The following SLC60A1 variants were observed in gnomAD, a reference collection of about 807,000 sequenced individuals.
The protein encoded by SLC60A1 is solute carrier family 60 member 1.
At chr1:205,600,331 G>A in the SLC60A1 span, 25 of 1,462,992 alleles carry the variant, frequency 1.7e-5, no homozygotes, top group Admixed American at 1.9e-4. Flanking sequence ...GCCTGGGTAA[G>A]CTCTCAGAAT....
the SLC60A1 span, among the ~76,000 whole-genome samples, chr1:205,580,425 C>T: frequency 3.3e-5 from 5 of 152,288 alleles, no homozygotes; most frequent in South Asian, 4.1e-4. The surrounding 1 kb of genome is among the most constrained non-coding windows in gnomAD (Gnocchi z 5.0). Context: ...CCGAGTCATC[C>T]CAGGCTGGCA....
the SLC60A1 span, among the ~76,000 whole-genome samples, chr1:205,576,001 A>G: frequency 1.3e-5 from 2 of 152,058 alleles, no homozygotes; most frequent in African/African-American, 2.4e-5. Context: ...CTTTTCCCCT[A>G]TCTGGGCCTC....
chr1:205,579,706 G>T, the SLC60A1 span: 1 of 1,605,448 alleles, frequency 6.2e-7, no homozygotes, highest in Non-Finnish European at 8.5e-7. Flanking sequence ...AGGGGGAGGG[G>T]ATGCTTCCAG....
chr1:205,586,406 A>C, the SLC60A1 span, among the ~76,000 whole-genome samples: 2 of 152,194 alleles, frequency 1.3e-5, no homozygotes, highest in Non-Finnish European at 2.9e-5. Context: ...GGTGACCATG[A>C]AAAGTCCCTT....
chr1:205,592,645 C>A, the SLC60A1 span, among the ~76,000 whole-genome samples: 31,509 of 151,836 alleles, frequency 0.21, 3,516 homozygotes, highest in Non-Finnish European at 0.23. Context: ...ATGAACACCC[C>A]CCTCCTGACT....
At chr1:205,593,270 A>C in the SLC60A1 span, among the ~76,000 whole-genome samples, 1 of 151,886 alleles carries the variant, frequency 6.6e-6, no homozygotes, top group African/African-American at 2.4e-5. Flanking sequence ...GGAGATCGAG[A>C]CCATCCTAGC....
At chr1:205,602,559 C>G in the SLC60A1 span, 13 of 152,742 alleles carry the variant, frequency 8.5e-5, no homozygotes, top group East Asian at 2.5e-3. Context: ...TTAAAACCTC[C>G]TCATAAGCGG....
the SLC60A1 span, chr1:205,597,880 G>C: frequency 6.2e-7 from 1 of 1,608,348 alleles, no homozygotes; most frequent in Non-Finnish European, 8.5e-7. Context: ...GGAGAGGGGA[G>C]CATTTGGGGA....
At chr1:205,586,129 C>G in the SLC60A1 span, 1 of 1,613,752 alleles carries the variant, frequency 6.2e-7, no homozygotes, top group Non-Finnish European at 8.5e-7. Flanking sequence ...TCTTCTGGGG[C>G]TTCATCACAC....
At chr1:205,575,191 G>T in the SLC60A1 span, among the ~76,000 whole-genome samples, 1 of 152,146 alleles carries the variant, frequency 6.6e-6, no homozygotes, top group Admixed American at 6.6e-5. Flanking sequence ...TGCCCCTTTT[G>T]GGGTGGATAG....
chr1:205,585,023 G>T, the SLC60A1 span: 3 of 1,581,822 alleles, frequency 1.9e-6, no homozygotes, highest in Non-Finnish European at 1.7e-6. This position sits in a 1 kb window ranked among gnomAD's most constrained non-coding sequence, Gnocchi z 4.2. Context: ...CCCCCTACTG[G>T]GGGACCCTTC....
chr1:205,598,174 G>T, the SLC60A1 span: 4 of 263,486 alleles, frequency 1.5e-5, no homozygotes, highest in African/African-American at 8.9e-5. Context: ...TGGAACTGCA[G>T]TCAGAGTTCT....
At chr1:205,573,520 G>A in the SLC60A1 span, among the ~76,000 whole-genome samples, 1 of 151,874 alleles carries the variant, frequency 6.6e-6, no homozygotes, top group African/African-American at 2.4e-5. Context: ...GGATGATCTG[G>A]AAAACATTAT....
chr1:205,601,191 A>G, the SLC60A1 span: 1 of 152,254 alleles, frequency 6.6e-6, no homozygotes, highest in Non-Finnish European at 1.5e-5. Flanking sequence ...GGTAATAAAT[A>G]TTCAAAGCAT....
chr1:205,592,574 CTG>C, the SLC60A1 span, among the ~76,000 whole-genome samples: 1 of 151,972 alleles, frequency 6.6e-6, no homozygotes, highest in Admixed American at 6.6e-5. Flanking sequence ...TGATGTTCCC[CTG>C]TGCTCTTCTA....
chr1:205,574,713 C>T, the SLC60A1 span, among the ~76,000 whole-genome samples: 20 of 152,038 alleles, frequency 1.3e-4, no homozygotes, highest in Non-Finnish European at 2.5e-4. Flanking sequence ...CTGACTCTTG[C>T]GCGACAGGAG....
At chr1:205,595,291 T>G in the SLC60A1 span, 2 of 152,392 alleles carry the variant, frequency 1.3e-5, no homozygotes, top group Non-Finnish European at 2.9e-5. Flanking sequence ...AAAACTGTTC[T>G]GTACCTCCCT....
At chr1:205,583,950 C>T in the SLC60A1 span, 1 of 1,612,226 alleles carries the variant, frequency 6.2e-7, no homozygotes, top group Non-Finnish European at 8.5e-7. Flanking sequence ...CTGCCTGCTC[C>T]CCAGCTTCCA....
At chr1:205,592,071 C>T in the SLC60A1 span, 1 of 1,591,026 alleles carries the variant, frequency 6.3e-7, no homozygotes, top group Non-Finnish European at 8.6e-7. Flanking sequence ...ACGCCGACTC[C>T]TGGCGGTTCC....
Sources: allele counts gnomAD v4.1 joint callset (sites outside exome capture counted in the v4.1 genomes callset), GRCh38; gene constraint gnomAD v4.1.1; non-coding constraint Gnocchi (gnomAD v3.1); transcripts MANE v1.5; gene names NCBI Gene and HGNC (gene_info 2026-07-23, HGNC 2026-07-21).